The following DAB1 variants were observed in gnomAD, a reference collection of about 807,000 sequenced individuals.
DAB1 encodes the protein DAB adaptor protein 1, also known as disabled homolog 1.
DAB1 carries 15 observed loss-of-function variants against 64.6 expected under a neutral mutation model. That is an observed-to-expected ratio of 0.23 (90% CI 0.16 to 0.36). The LOEUF (loss-of-function observed/expected upper bound fraction) is 0.36, where lower values mean the gene tolerates loss of function less well. Among genes scored for constraint, DAB1 ranks in the 10% least tolerant of loss-of-function variants. The pLI is 1.00. For synonymous variants in DAB1, 235 were observed against 251.9 expected, an observed-to-expected ratio of 0.93 and a Z score of 0.64; for missense variants, 596 against 706.7, an observed-to-expected ratio of 0.84 and a Z score of 1.78.
intron 4 of DAB1, among the ~76,000 whole-genome samples, chr1:57,100,073 T>C (rs921711732): frequency 6.6e-6 from 1 of 152,226 alleles, no homozygotes; most frequent in Non-Finnish European, 1.5e-5. Flanking sequence ...TTGCCAGCTC[T>C]GGAGCCAGAT....
intron 14 of DAB1, among the ~76,000 whole-genome samples, chr1:57,003,386 C>G (rs918278023): frequency 6.6e-6 from 1 of 152,140 alleles, no homozygotes; most frequent in Non-Finnish European, 1.5e-5. Flanking sequence ...CAGGACTGTG[C>G]CTTTAGAGCT....
At chr1:58,407,584 G>C (rs1644628275) in intron 3 of DAB1, among the ~76,000 whole-genome samples, 1 of 152,078 alleles carries the variant, frequency 6.6e-6, no homozygotes, top group African/African-American at 2.4e-5. Flanking sequence ...GTATCCCACA[G>C]TGCACAAGGA....
At chr1:57,439,198 T>TCAG (rs1412153765) in intron 7 of DAB1, among the ~76,000 whole-genome samples, 4 of 151,896 alleles carry the variant, frequency 2.6e-5, no homozygotes, top group African/African-American at 9.7e-5. Context: ...CAGCTTAGTC[T>TCAG]CCTAAAGGAA....
intron 6 of DAB1, among the ~76,000 whole-genome samples, chr1:57,796,129 G>GA: frequency 6.6e-6 from 1 of 152,108 alleles, no homozygotes; most frequent in African/African-American, 2.4e-5. Flanking sequence ...CAGTTGGCAG[G>GA]AAAAATAAAA....
intron 3 of DAB1, among the ~76,000 whole-genome samples, chr1:58,495,789 C>T (rs1279375993): frequency 6.6e-6 from 1 of 152,000 alleles, no homozygotes; most frequent in Non-Finnish European, 1.5e-5. Flanking sequence ...CTCCAAAACT[C>T]TTACACTTCC....
chr1:58,125,263 A>T (rs1022803099), intron 5 of DAB1, among the ~76,000 whole-genome samples: 1 of 152,158 alleles, frequency 6.6e-6, no homozygotes, highest in African/African-American at 2.4e-5. Context: ...TGTACAATGT[A>T]AAAAACATAA....
chr1:57,475,193 C>T (rs1390947674), intron 7 of DAB1, among the ~76,000 whole-genome samples: 1 of 152,196 alleles, frequency 6.6e-6, no homozygotes, highest in African/African-American at 2.4e-5. Flanking sequence ...AGGAGAATCG[C>T]TTGAACCCAG....
intron 5 of DAB1, among the ~76,000 whole-genome samples, chr1:58,024,345 A>AG (rs1197153470): frequency 6.6e-6 from 1 of 152,174 alleles, no homozygotes; most frequent in East Asian, 1.9e-4. Flanking sequence ...TCTTTGGACA[A>AG]TTAGCTTACC....
chr1:58,460,339 A>T (rs1323690469), intron 3 of DAB1, among the ~76,000 whole-genome samples: 2 of 152,190 alleles, frequency 1.3e-5, no homozygotes, highest in African/African-American at 4.8e-5. Flanking sequence ...AGGGTGCATT[A>T]TCTGTATTTC....
chr1:57,323,785 T>C (rs1675924515), intron 1 of DAB1, among the ~76,000 whole-genome samples: 1 of 152,126 alleles, frequency 6.6e-6, no homozygotes. Flanking sequence ...GTTAAAGTTA[T>C]TTACCAGGAT....
At chr1:57,726,598 G>T (rs139747996) in intron 6 of DAB1, among the ~76,000 whole-genome samples, 1,554 of 152,280 alleles carry the variant, frequency 0.01, 28 homozygotes, top group African/African-American at 0.035. Flanking sequence ...ATTAAGTGTT[G>T]AAGTCAGGTG....
intron 4 of DAB1, among the ~76,000 whole-genome samples, chr1:58,216,969 A>G (rs564410106): frequency 6.6e-6 from 1 of 152,198 alleles, no homozygotes; most frequent in Non-Finnish European, 1.5e-5. Context: ...ACACAACACA[A>G]AGCGGGCTGA....
chr1:58,014,268 A>G (rs1419282716), intron 5 of DAB1, among the ~76,000 whole-genome samples: 3 of 152,174 alleles, frequency 2.0e-5, no homozygotes, highest in African/African-American at 7.2e-5. Context: ...TCAAAATTGG[A>G]TTCTTGAGGG....
chr1:58,541,614 CAAAA>C (rs60360589), intron 1 of DAB1: 1 of 65,622 alleles, frequency 1.5e-5, no homozygotes, highest in Non-Finnish European at 2.7e-5. Context: ...GAGAACCTGT[CAAAA>C]AAAAAAAAAA....
intron 1 of DAB1, among the ~76,000 whole-genome samples, chr1:57,304,119 G>A (rs1337936869): frequency 2.0e-5 from 3 of 152,170 alleles, no homozygotes; most frequent in African/African-American, 4.8e-5. Flanking sequence ...ATGGTTCTGG[G>A]GAGGCTTCAG....
At chr1:57,050,959 T>C (rs2100526064) in intron 9 of DAB1, among the ~76,000 whole-genome samples, 2 of 152,334 alleles carry the variant, frequency 1.3e-5, no homozygotes, top group East Asian at 3.9e-4. Flanking sequence ...AGGTCTGTCA[T>C]TGTAGGTATG....
chr1:57,307,107 G>A (rs1237168673), intron 1 of DAB1: 5 of 152,160 alleles, frequency 3.3e-5, no homozygotes, highest in Non-Finnish European at 4.4e-5. Context: ...GGGTCCCCTC[G>A]GGTCCCTCTT....
intron 4 of DAB1, among the ~76,000 whole-genome samples, chr1:58,210,914 A>G (rs1658521019): frequency 6.6e-6 from 1 of 152,196 alleles, no homozygotes; most frequent in Non-Finnish European, 1.5e-5. Context: ...TTTCTCTGAG[A>G]ACATGTTATT....
intron 7 of DAB1, among the ~76,000 whole-genome samples, chr1:57,514,692 A>C (rs1322738579): frequency 6.6e-6 from 1 of 152,216 alleles, no homozygotes; most frequent in East Asian, 1.9e-4. Flanking sequence ...TTGAGAATAC[A>C]AAAGTCATGT....
Sources: gnomAD v4.1 joint callset for allele counts (sites outside exome capture counted in the v4.1 genomes callset) on GRCh38, gnomAD v4.1.1 for gene constraint, MANE v1.5 for transcripts, NCBI Gene and HGNC (gene_info 2026-07-23, HGNC 2026-07-21) for gene names.